Variants in TCF3 observed in about 807,000 individuals in gnomAD.
TCF3 encodes transcription factor E2-alpha.
In TCF3, 54 loss-of-function variants were observed where a neutral mutation model predicts 72.3. That is an observed-to-expected ratio of 0.75 (90% CI 0.60 to 0.94). TCF3 has a LOEUF of 0.94. Ranked by LOEUF, TCF3 falls within the 40% of genes least tolerant of loss-of-function variation. The pLI is 0.00. For synonymous variants in TCF3, 525 were observed against 412.6 expected, an observed-to-expected ratio of 1.27 and a Z score of -3.30; for missense variants, 1,078 against 934.4, an observed-to-expected ratio of 1.15 and a Z score of -2.00.
In TCF3 at chr19:1,609,977, CA is replaced by C. The variant is rs2060874973; in HGVS notation, c.*1729del. On this transcript the variant is annotated 3_prime_UTR_variant, in exon 19 of 19. Coordinates refer to ENST00000262965, the MANE Select transcript of TCF3 (RefSeq NM_003200.5). ...GGCATGAAGGGCACATGAAGGCCCCCAGCTAGCCAGGCCCACACCTGGGTGC... is the reference window on the plus strand; with the variant it reads ...GGCATGAAGGGCACATGAAGGCCCCCGCTAGCCAGGCCCACACCTGGGTGC... The C allele has an allele frequency of 4.3e-6, 1 of 232,970 alleles. No homozygotes were observed. Among genetic ancestry groups the C allele is most frequent in the East Asian group, 6.0e-5 (1 of 16,532 alleles). 14.4% of individuals were successfully genotyped at this position (232,970 alleles called of 1,614,324 possible).
intron 16 of TCF3, among the ~76,000 whole-genome samples, chr19:1,617,711 A>C (rs964305202): frequency 4.6e-5 from 7 of 152,238 alleles, no homozygotes; most frequent in African/African-American, 1.7e-4. Context: ...GGAAGGAAAC[A>C]GAGGGGAGCC....
At chr19:1,652,115 GC>G (rs1018030440) in intron 1 of TCF3, among the ~76,000 whole-genome samples, 184 bp downstream of exon 1, 9 of 147,228 alleles carry the variant, frequency 6.1e-5, no homozygotes, top group African/African-American at 1.5e-4. Context: ...CCACGTCGCC[GC>G]CCCCCCGGCG....
chr19:1,621,071 G>A (rs759238390), intron 12 of TCF3, 25 bp from the exon 13 acceptor site: 2 of 1,519,580 alleles, frequency 1.3e-6, no homozygotes, highest in Non-Finnish European at 1.8e-6. Flanking sequence ...AGGAGAGATG[G>A]GCGGTCAGGG....
chr19:1,650,976 C>A, intron 1 of TCF3: 1 of 229,466 alleles, frequency 4.4e-6, no homozygotes, highest in African/African-American at 2.2e-5. Flanking sequence ...AAAAAAAAAA[C>A]AGCCCTAGAT....
At chr19:1,626,650 C>T (rs1026540945) in intron 6 of TCF3, among the ~76,000 whole-genome samples, 12 of 152,164 alleles carry the variant, frequency 7.9e-5, no homozygotes, top group Admixed American at 5.9e-4. Flanking sequence ...ATGGGGAGCC[C>T]GGGCACTTGC....
At chr19:1,632,426 G>A (rs943991493) in intron 3 of TCF3, 21 bp from the exon 4 acceptor site, 1 of 1,579,424 alleles carries the variant, frequency 6.3e-7, no homozygotes, top group South Asian at 1.2e-5. Flanking sequence ...GACAGAGAGA[G>A]TTATGGGTCA....
intron 3 of TCF3, among the ~76,000 whole-genome samples, chr19:1,642,445 G>A (rs1473177743): frequency 6.6e-6 from 1 of 152,208 alleles, no homozygotes; most frequent in Admixed American, 6.5e-5. Context: ...GGGGTGGCTA[G>A]GTGAGAGGAG....
chr19:1,635,167 G>A (rs890574311), intron 3 of TCF3, among the ~76,000 whole-genome samples: 4 of 152,226 alleles, frequency 2.6e-5, no homozygotes, highest in Non-Finnish European at 4.4e-5. Context: ...CTTCAGATGG[G>A]CCTGGGGACT....
chr19:1,633,951 C>T (rs2064053740), intron 3 of TCF3, among the ~76,000 whole-genome samples: 1 of 152,196 alleles, frequency 6.6e-6, no homozygotes. Context: ...AGCCAGTACC[C>T]CAGGAGGTGC....
At chr19:1,629,618 T>C (rs772161434) in intron 5 of TCF3, among the ~76,000 whole-genome samples, 51 of 151,996 alleles carry the variant, frequency 3.4e-4, no homozygotes, top group Non-Finnish European at 6.5e-4. Context: ...CTGGGGCTGA[T>C]GCGGTGACAC....
At chr19:1,651,262 G>T (rs1298290587) in intron 1 of TCF3, 2 of 226,522 alleles carry the variant, frequency 8.8e-6, no homozygotes, top group Non-Finnish European at 1.8e-5. Context: ...TGGGGACGGG[G>T]GCAGCCCGGG....
At chr19:1,647,674 T>C (rs1283899674) in intron 2 of TCF3, among the ~76,000 whole-genome samples, 2 of 152,158 alleles carry the variant, frequency 1.3e-5, no homozygotes, top group African/African-American at 2.4e-5. Context: ...ACCTCTCATT[T>C]GGGAAACAAA....
intron 3 of TCF3, among the ~76,000 whole-genome samples, chr19:1,635,491 G>A (rs1366528861): frequency 6.6e-6 from 1 of 151,928 alleles, no homozygotes; most frequent in Non-Finnish European, 1.5e-5. Flanking sequence ...AACACAGGAG[G>A]TGACCCCCAC....
chr19:1,627,663 G>A (rs1300499592), intron 5 of TCF3, among the ~76,000 whole-genome samples: 1 of 152,216 alleles, frequency 6.6e-6, no homozygotes, highest in African/African-American at 2.4e-5. Context: ...CCCAATGACA[G>A]GCTTGGGGAC....
In TCF3 at chr19:1,625,661, C is replaced by A; in HGVS notation, c.414G>T (p.Leu138=). 1 of 1,536,230 alleles carries A rather than the reference C, an allele frequency of 6.5e-7. No individual in the cohort carries two copies. Among genetic ancestry groups the A allele is most frequent in the Non-Finnish European group, 8.7e-7 (1 of 1,148,002 alleles). ...AGGTCCCCTTCATGCCCGAAGGGGACAGGGGCCCGGGGCTGTTGAGGGCCA... is the reference window on the plus strand; with the variant it reads ...AGGTCCCCTTCATGCCCGAAGGGGAAAGGGGCCCGGGGCTGTTGAGGGCCA... ...GELALNSPGP[L]SPSGMKGTSQ... The change falls in exon 7 of 19, where the codon CTG becomes CTT. Residue 138 remains leucine (L), a synonymous_variant. Coordinates refer to ENST00000262965, the MANE Select transcript of TCF3 (RefSeq NM_003200.5).
intron 2 of TCF3, among the ~76,000 whole-genome samples, chr19:1,646,848 G>A (rs887500894): frequency 3.3e-5 from 5 of 152,234 alleles, no homozygotes; most frequent in African/African-American, 1.2e-4. Context: ...CACTCAACAG[G>A]TGGACATGTG....
chr19:1,642,838 C>T (rs536927127), intron 3 of TCF3, among the ~76,000 whole-genome samples: 8 of 152,280 alleles, frequency 5.3e-5, no homozygotes, highest in Non-Finnish European at 1.0e-4. Flanking sequence ...GACACGCACC[C>T]GGAGGAAATG....
rs2060980918 is a variant in TCF3 at position 1,611,486 on chromosome 19, C to T, written c.*221G>A. 9.6e-6 allele frequency: 5 copies of T among 519,544 alleles called. No homozygotes were observed. The highest frequency in any genetic ancestry group is 6.4e-5 in the East Asian group (2 of 31,426). The allele number at this position is 519,544 out of a possible 1,614,324, so 32.2% of individuals were successfully genotyped here. A position where few individuals can be genotyped will look rare whatever the true frequency, so the allele number is the denominator to read the frequency against. ...GGCTGAGATTCGGGGACAGGGGGAG[C>T]GAGGCCAGTGAGTGGTAGGCCAGGG... On this transcript the variant is annotated 3_prime_UTR_variant, in exon 19 of 19. Coordinates refer to ENST00000262965, the MANE Select transcript of TCF3 (RefSeq NM_003200.5).
intron 3 of TCF3, among the ~76,000 whole-genome samples, chr19:1,640,771 C>A (rs1183570282): frequency 6.6e-6 from 1 of 150,612 alleles, no homozygotes; most frequent in Non-Finnish European, 1.5e-5. Flanking sequence ...GCCACTGCAC[C>A]CCAGCCTGGG....
Sources: gnomAD v4.1 joint callset for allele counts (sites outside exome capture counted in the v4.1 genomes callset) on GRCh38, gnomAD v4.1.1 for gene constraint, MANE v1.5 for transcripts, NCBI Gene and HGNC (gene_info 2026-07-23, HGNC 2026-07-21) for gene names.